Variants in SEL1L3 observed in about 807,000 individuals in gnomAD.
SEL1L3 encodes the protein protein sel-1 homolog 3.
Under a neutral mutation model 142.8 loss-of-function variants are expected in SEL1L3, and 76 were observed. The observed-to-expected ratio is 0.53, with a 90% CI of 0.44 to 0.64. The LOEUF (loss-of-function observed/expected upper bound fraction) is 0.64, where lower values mean the gene tolerates loss of function less well. Among genes scored for constraint, SEL1L3 ranks in the 30% least tolerant of loss-of-function variants. The probability of loss-of-function intolerance (pLI) is 0.00; values close to 1 mark genes in which losing one functional copy is unlikely to be tolerated. For synonymous variants in SEL1L3, 504 were observed against 519.6 expected (o/e 0.97, Z 0.41); for missense variants, 1,262 against 1,381.7 (o/e 0.91, Z 1.37).
intron 1 of SEL1L3, among the ~76,000 whole-genome samples, chr4:25,849,332 G>A (rs2109312187): frequency 6.6e-6 from 1 of 152,308 alleles, no homozygotes. Context: ...ACATGGGATG[G>A]AATATTATTC....
intron 23 of SEL1L3, among the ~76,000 whole-genome samples, chr4:25,751,983 T>C (rs10939082): frequency 0.73 from 109,711 of 151,262 alleles, 39,978 homozygotes; most frequent in East Asian, 0.96. Flanking sequence ...GTGGCGTGCA[T>C]CTGTAATCTC....
At position 25,752,225 on chromosome 4, in the gene SEL1L3, C is replaced by G. The variant is rs187452259; in HGVS notation, c.3260-3661G>C. Among the ~76,000 whole-genome samples the G allele has an allele frequency of 6.7e-5, 10 of 148,830 alleles. No homozygotes were observed. In the East Asian group the frequency reaches 1.6e-3, roughly 24 times the overall value. The stretch of plus-strand genomic sequence containing the variant: ...TGAGGTCAGGAGTTCAAGACCAGCA[C>G]AGCCAACATGGTGAAACCCAGTCTC... On this transcript the variant is annotated intron_variant, in intron 23 of 23. Transcript: ENST00000399878.
At chr4:25,721,996 A>G in the SEL1L3 span, among the ~76,000 whole-genome samples, 1 of 152,212 alleles carries the variant, frequency 6.6e-6, no homozygotes. Context: ...GAATTAAAGT[A>G]ACAAAAGACA....
At chr4:25,836,262 A>G (rs1469523044) in intron 2 of SEL1L3, among the ~76,000 whole-genome samples, 1 of 152,186 alleles carries the variant, frequency 6.6e-6, no homozygotes, top group Non-Finnish European at 1.5e-5. Context: ...AATACCTAAC[A>G]CTTTCAACAA....
downstream of SEL1L3, among the ~76,000 whole-genome samples, chr4:25,746,736 C>T (rs1717283296): frequency 6.6e-6 from 1 of 151,630 alleles, no homozygotes; most frequent in African/African-American, 2.4e-5. Flanking sequence ...TTTCCTGAGA[C>T]CTTCCCAGAA....
At chr4:25,769,537 CTA>C (rs1491392631) in intron 17 of SEL1L3, among the ~76,000 whole-genome samples, 1 of 152,200 alleles carries the variant, frequency 6.6e-6, no homozygotes, top group Non-Finnish European at 1.5e-5. Flanking sequence ...CCTGCAAAAT[CTA>C]TGTTTGGCTA....
downstream of SEL1L3, among the ~76,000 whole-genome samples, chr4:25,744,381 C>T (rs912219907): frequency 1.1e-4 from 10 of 94,198 alleles, no homozygotes; most frequent in Non-Finnish European, 1.7e-4. Flanking sequence ...CGGAGCCTCG[C>T]TCTGTCACCC....
chr4:25,815,832 C>T (rs1182658457), intron 9 of SEL1L3, among the ~76,000 whole-genome samples: 1 of 147,950 alleles, frequency 6.8e-6, no homozygotes, highest in Non-Finnish European at 1.5e-5. Context: ...GAGCATTTGG[C>T]AATACCAGGA....
Position 25,862,888 on chromosome 4 carries a change from G to GC in SEL1L3, c.-53dup, listed in dbSNP as rs1717834761. The GC allele has an allele frequency of 9.6e-7, 1 of 1,044,352 alleles. No individual in the cohort carries two copies. The highest frequency in any genetic ancestry group is 5.6e-5 in the Admixed American group (1 of 17,862). 64.7% of individuals were successfully genotyped at this position (1,044,352 alleles called of 1,614,324 possible). On this transcript the variant is annotated 5_prime_UTR_variant, in exon 1 of 24. Transcript: ENST00000399878. Reference sequence around the variant, plus strand: ...AACAGGTCACCTGGTGCAGGGACCGGCCCCCGCCCGAGGCGCCACCTTCCC... The same window carrying GC: ...AACAGGTCACCTGGTGCAGGGACCGGCCCCCCGCCCGAGGCGCCACCTTCCC...
intron 11 of SEL1L3, among the ~76,000 whole-genome samples, chr4:25,791,123 T>C (rs548832103): frequency 6.6e-6 from 1 of 152,242 alleles, no homozygotes; most frequent in African/African-American, 2.4e-5. Context: ...ATTATACACA[T>C]GCAAAATCAA....
At chr4:25,845,897 T>A (rs866531799) in intron 2 of SEL1L3, among the ~76,000 whole-genome samples, 2 of 152,146 alleles carry the variant, frequency 1.3e-5, no homozygotes, top group African/African-American at 2.4e-5. Flanking sequence ...GCTCTGTCCC[T>A]GGCCCACAGG....
chr4:25,824,306 G>C (rs1048655887), intron 6 of SEL1L3, among the ~76,000 whole-genome samples: 1 of 152,112 alleles, frequency 6.6e-6, no homozygotes, highest in Non-Finnish European at 1.5e-5. Context: ...CAACTCCCCA[G>C]CTTACCTGAC....
Position 25,830,572 on chromosome 4 carries a change from T to A in SEL1L3, c.1099-416A>T, listed in dbSNP as rs16877631. 8.9e-3 allele frequency among the ~76,000 whole-genome samples: 1,357 copies of A among 152,314 alleles called. 16 individuals carry two copies. Among genetic ancestry groups the A allele is most frequent in the East Asian group, 0.054 (282 of 5,180 alleles). ...TTGGTGTTGTATGTTCTTCACACAC[T>A]GCTGTTCCCACCTCCCTTTCCCTAA... On this transcript the variant is annotated intron_variant, in intron 5 of 23. Transcript: ENST00000399878.
chr4:25,801,052 A>G lies in SEL1L3; in HGVS notation c.1956+1231T>C, dbSNP rs1002255032. Among the ~76,000 whole-genome samples the G allele has an allele frequency of 5.9e-5, 9 of 152,342 alleles. No individual in the cohort carries two copies. The Middle Eastern group carries it at 0.01, about 173-fold the overall frequency. The stretch of plus-strand genomic sequence containing the variant: ...CAGCCACGCAGCCTAAAATTCAACA[A>G]TCCTAACCTGGCTAGGCCTGTCTCT... On this transcript the variant is annotated intron_variant, in intron 11 of 23. Coordinates refer to ENST00000399878, the MANE Select transcript of SEL1L3 (RefSeq NM_015187.5).
chr4:25,733,544 T>TTTTAC, the SEL1L3 span, among the ~76,000 whole-genome samples: 2 of 138,258 alleles, frequency 1.4e-5, no homozygotes. Context: ...TTTTTTGAGA[T>TTTTAC]GGAGTCTCAC....
chr4:25,850,453 G>C (rs1184892774), intron 1 of SEL1L3, among the ~76,000 whole-genome samples: 2 of 152,134 alleles, frequency 1.3e-5, no homozygotes, highest in Non-Finnish European at 2.9e-5. Flanking sequence ...GTACTGACCA[G>C]AGTGTAGGAA....
intron 9 of SEL1L3, among the ~76,000 whole-genome samples, chr4:25,809,451 A>G (rs1221467368): frequency 6.6e-6 from 1 of 151,262 alleles, no homozygotes; most frequent in East Asian, 2.0e-4. Flanking sequence ...AGCCTATTTT[A>G]TTTTATTTTT....
At chr4:25,757,476 AAAAAT>A (rs1577558668) in intron 23 of SEL1L3, 53 bp downstream of exon 23, 1 of 1,067,298 alleles carries the variant, frequency 9.4e-7, no homozygotes, top group Non-Finnish European at 1.3e-6. Context: ...AAAAAAAAAA[AAAAAT>A]CCCTGCTTTT....
the SEL1L3 span, among the ~76,000 whole-genome samples, chr4:25,715,747 A>G: frequency 6.6e-6 from 1 of 152,186 alleles, no homozygotes; most frequent in African/African-American, 2.4e-5. Flanking sequence ...AACAACAAAG[A>G]AACTCTCTTA....
Sources: allele counts gnomAD v4.1 joint callset (sites outside exome capture counted in the v4.1 genomes callset), GRCh38; gene constraint gnomAD v4.1.1; transcripts MANE v1.5; gene names NCBI Gene and HGNC (gene_info 2026-07-23, HGNC 2026-07-21).